TLCD3A: variants seen among roughly 807,000 people sequenced by gnomAD.
TLCD3A encodes TLC domain containing 3A.
A neutral mutation model predicts 29.9 loss-of-function variants in TLCD3A; 17 were observed. That is an observed-to-expected ratio of 0.57 (90% CI 0.39 to 0.85). The LOEUF (loss-of-function observed/expected upper bound fraction) is 0.85, where lower values mean the gene tolerates loss of function less well. TLCD3A is among the 40% of genes least tolerant of loss of function. TLCD3A has a pLI of 0.00. For missense variants in TLCD3A, 332 were observed against 350.8 expected (o/e 0.95, Z 0.43); for synonymous variants, 143 against 147.7 (o/e 0.97, Z 0.23).
chr17:741,379 C>T lies in TLCD3A; in HGVS notation c.583C>T (p.Leu195Phe), dbSNP rs375216921. 6.2e-7 allele frequency: 1 copy of T among 1,614,228 alleles called. No individual in the cohort carries two copies. The highest frequency in any genetic ancestry group is 2.2e-5 in the East Asian group (1 of 44,888). ...LATFLSCRIL[L>F]FPFMYWSYGR... ...CACCTTCCTTTCCTGCCGGATCCTTCTCTTCCCCTTCATGTACTGGTCCTA... is the reference window on the plus strand; with the variant it reads ...CACCTTCCTTTCCTGCCGGATCCTTTTCTTCCCCTTCATGTACTGGTCCTA... Residue 195 changes from leucine to phenylalanine, a missense_variant, in exon 5 of 5, where the codon CTC becomes TTC. By Grantham distance (22) the Leu-to-Phe change is conservative. Transcript: ENST00000308278.
At chr17:732,960 G>T in intron 1 of TLCD3A, 138 bp from the exon 2 acceptor site, 1 of 1,396,274 alleles carries the variant, frequency 7.2e-7, no homozygotes, top group Non-Finnish European at 9.6e-7. Context: ...GGGCGGGCGG[G>T]AATGGCCGAT....
At chr17:732,935 G>A in intron 1 of TLCD3A, 163 bp from the exon 2 acceptor site, 1 of 1,381,754 alleles carries the variant, frequency 7.2e-7, no homozygotes, top group Non-Finnish European at 9.5e-7. Flanking sequence ...TCCTCCCCTG[G>A]CGGGAGCGGG....
intron 1 of TLCD3A, 112 bp from the exon 2 acceptor site, chr17:732,986 G>A (rs886411641): frequency 7.8e-6 from 11 of 1,413,936 alleles, no homozygotes; most frequent in African/African-American, 4.4e-5. Flanking sequence ...TCCGGAGCCC[G>A]CTCCCCACAT....
chr17:737,758 A>C, intron 2 of TLCD3A, 88 bp from the exon 3 acceptor site: 1 of 1,176,520 alleles, frequency 8.5e-7, no homozygotes, highest in South Asian at 1.3e-5. Flanking sequence ...TGGAATAATA[A>C]TAGCTGATCA....
rs764436333 is a variant in TLCD3A, at chr17:742,640, G to A, written c.*1070G>A. 19 of 152,426 alleles carry A rather than the reference G, an allele frequency of 1.2e-4. No homozygotes were observed. Among genetic ancestry groups the A allele is most frequent in the Non-Finnish European group, 2.4e-4 (16 of 68,058 alleles). The allele number at this position is 152,426 out of a possible 1,614,324, so 9.4% of individuals were successfully genotyped here. ...TGAGGCGGCAGCTAGCCTGGCCAGT[G>A]GCTGTCCCGTGGACCGACACCTGCG... is the stretch of plus-strand genomic sequence containing the variant. On this transcript the variant is annotated 3_prime_UTR_variant, in exon 5 of 5. Coordinates refer to ENST00000308278, the MANE Select transcript of TLCD3A (RefSeq NM_024792.3).
intron 3 of TLCD3A, among the ~76,000 whole-genome samples, chr17:739,630 G>A (rs184972788): frequency 3.9e-5 from 6 of 152,312 alleles, no homozygotes; most frequent in South Asian, 4.1e-4. Context: ...GAGCCACCGC[G>A]CCCTGCCAGG....
At chr17:737,012 TTTTG>T (rs1340757006) in intron 2 of TLCD3A, among the ~76,000 whole-genome samples, 2 of 149,370 alleles carry the variant, frequency 1.3e-5, no homozygotes, top group East Asian at 2.0e-4. Flanking sequence ...TTTTGGGTTT[TTTTG>T]TTTTTGTTTT....
chr17:739,252 T>C (rs1236338248), intron 3 of TLCD3A, among the ~76,000 whole-genome samples: 3 of 151,992 alleles, frequency 2.0e-5, no homozygotes, highest in Non-Finnish European at 4.4e-5. Context: ...CAGGCTGGAG[T>C]GCAATGGCTC....
intron 3 of TLCD3A, 49 bp downstream of exon 3, chr17:738,096 CTT>C (rs371294933): frequency 3.9e-3 from 1,948 of 501,412 alleles, no homozygotes; most frequent in Non-Finnish European, 4.9e-3. Context: ...AGCTGGGTGT[CTT>C]TTTTTTTTTT....
At chr17:738,312 T>C (rs1964849) in intron 3 of TLCD3A, among the ~76,000 whole-genome samples, 99,952 of 151,758 alleles carry the variant, frequency 0.66, 34,018 homozygotes, top group African/African-American at 0.83. Context: ...GCCAGGCTGA[T>C]TTCAAACTCC....
intron 2 of TLCD3A, among the ~76,000 whole-genome samples, chr17:736,814 C>T (rs979908240): frequency 6.7e-6 from 1 of 149,500 alleles, no homozygotes; most frequent in Non-Finnish European, 1.5e-5. Context: ...CACCACCATG[C>T]CCAGCTAATT....
At chr17:739,173 GT>G (rs56729305) in intron 3 of TLCD3A, among the ~76,000 whole-genome samples, 32 of 147,060 alleles carry the variant, frequency 2.2e-4, no homozygotes, top group African/African-American at 7.0e-4. Flanking sequence ...GAAGGCATGC[GT>G]TTTTTTTTTT....
At position 741,441 on chromosome 17, in the gene TLCD3A, C is replaced by T. The variant is rs372306004; in HGVS notation, c.645C>T (p.Pro215=). The T allele has an allele frequency of 4.3e-6, 7 of 1,614,234 alleles. No individual in the cohort carries two copies. Among genetic ancestry groups the T allele is most frequent in the South Asian group, 2.2e-5 (2 of 91,088 alleles). Residue 215 remains proline, a synonymous_variant, in exon 5 of 5, where the codon CCC becomes CCT. Transcript: ENST00000308278. Reference sequence around the variant, plus strand: ...AGGGACTAAGCCTGCTCCAAGTACCCTTCAGCATCCCATTCTACTGCAACG... The same window carrying T: ...AGGGACTAAGCCTGCTCCAAGTACCTTTCAGCATCCCATTCTACTGCAACG... The part of the protein sequence containing the change: ...RQQGLSLLQV[P]FSIPFYCNVA...
At position 737,936 on chromosome 17, in the gene TLCD3A, C is replaced by G; in HGVS notation, c.297C>G (p.Thr99=). 6.2e-7 allele frequency: 1 copy of G among 1,614,032 alleles called. No homozygotes were observed. Among genetic ancestry groups the G allele is most frequent in the Non-Finnish European group, 8.5e-7 (1 of 1,180,012 alleles). Residue 99 remains threonine (T), a synonymous_variant, in exon 3 of 5, where the codon ACC becomes ACG. Transcript: ENST00000308278. Reference sequence around the variant, plus strand: ...TGTACCTCTGTGAATGGTGCCGAACCAGAGACCAGAACCGTGCGCCCTCCC... The same window carrying G: ...TGTACCTCTGTGAATGGTGCCGAACGAGAGACCAGAACCGTGCGCCCTCCC... ...YAMYLCEWCR[T]RDQNRAPSLT...
At position 741,624 on chromosome 17, in the gene TLCD3A, TTC is replaced by T; in HGVS notation, c.*55_*56del. ...CACCAGCTGCCTCCTCCACTCAGCATTCCATGGACCAAATTGTGCCCTGGGTA... is the reference window on the plus strand; with the variant it reads ...CACCAGCTGCCTCCTCCACTCAGCATCATGGACCAAATTGTGCCCTGGGTA... On this transcript the variant is annotated 3_prime_UTR_variant, in exon 5 of 5. Coordinates refer to ENST00000308278, the MANE Select transcript of TLCD3A (RefSeq NM_024792.3). The T allele has an allele frequency of 6.3e-7, 1 of 1,589,266 alleles. No homozygotes were observed. Among genetic ancestry groups the T allele is most frequent in the Non-Finnish European group, 8.5e-7 (1 of 1,171,050 alleles).
At chr17:738,079 T>C in intron 3 of TLCD3A, 32 bp downstream of exon 3, 1 of 996,864 alleles carries the variant, frequency 1.0e-6, no homozygotes, top group Non-Finnish European at 1.5e-6. Context: ...GACCAGCAGC[T>C]GGGTTGAGCT....
intron 1 of TLCD3A, 85 bp downstream of exon 1, chr17:732,854 G>C (rs1324080696): frequency 1.9e-5 from 26 of 1,367,392 alleles, no homozygotes; most frequent in Admixed American, 1.2e-4. Context: ...GGCGGAAAAG[G>C]GGGGCGGCAG....
chr17:732,797 AGGCCCGG>A (rs1974089823), intron 1 of TLCD3A, 28 bp downstream of exon 1: 3 of 1,434,050 alleles, frequency 2.1e-6, no homozygotes, highest in African/African-American at 3.0e-5. Flanking sequence ...ACGCCCCCCG[AGGCCCGG>A]GGCGCTGCCC....
chr17:732,815 A>G, intron 1 of TLCD3A, 46 bp downstream of exon 1: 1 of 1,399,708 alleles, frequency 7.1e-7, no homozygotes, highest in South Asian at 1.5e-5. Flanking sequence ...GGCGCTGCCC[A>G]CCGCACCCCA....
Sources: gnomAD v4.1 joint callset for allele counts (sites outside exome capture counted in the v4.1 genomes callset) on GRCh38, gnomAD v4.1.1 for gene constraint, MANE v1.5 for transcripts, NCBI Gene and HGNC (gene_info 2026-07-23, HGNC 2026-07-21) for gene names.